Variants in TMEM135 observed in about 807,000 individuals in gnomAD.
TMEM135 encodes transmembrane protein 135, also known as peroxisomal membrane protein 52.
TMEM135 carries 30 observed loss-of-function variants against 60.3 expected under a neutral mutation model. That is an observed-to-expected ratio of 0.50 (90% confidence interval 0.37 to 0.68). TMEM135 has a LOEUF of 0.68. Among genes scored for constraint, TMEM135 ranks in the 30% least tolerant of loss-of-function variants. TMEM135 has a pLI of 0.00. For missense variants in TMEM135, 468 were observed against 548.8 expected (o/e 0.85, Z 1.47); for synonymous variants, 190 against 186.7 (o/e 1.02, Z -0.14).
At chr11:87,179,133 C>T (rs537600408) in intron 5 of TMEM135, among the ~76,000 whole-genome samples, 42 of 152,204 alleles carry the variant, frequency 2.8e-4, no homozygotes, top group African/African-American at 9.6e-4. Flanking sequence ...TGATGTTGGA[C>T]TTCTTTTCAT....
chr11:87,217,971 T>C (rs1429247244), intron 5 of TMEM135, among the ~76,000 whole-genome samples: 2 of 152,138 alleles, frequency 1.3e-5, no homozygotes, highest in Non-Finnish European at 2.9e-5. Flanking sequence ...CTTAAGATTG[T>C]ATGAGTGTTC....
intron 6 of TMEM135, among the ~76,000 whole-genome samples, chr11:87,265,873 CT>C (rs1941737974): frequency 6.6e-6 from 1 of 152,032 alleles, no homozygotes; most frequent in South Asian, 2.1e-4. Context: ...TCCTAGTTTT[CT>C]CATTGTTCCT....
intron 6 of TMEM135, among the ~76,000 whole-genome samples, chr11:87,289,437 CTTTTTTTTTTTT>C (rs376999371): frequency 3.2e-4 from 28 of 87,606 alleles, no homozygotes; most frequent in South Asian, 1.4e-3. Context: ...ATCTCCATAT[CTTTTTTTTTTTT>C]TTTTTTTTTT....
rs1940583155 is a variant in TMEM135, at chr11:87,219,992, T to C, written c.463-16646T>C. On this transcript the variant is annotated intron_variant, in intron 5 of 14. Coordinates refer to ENST00000305494, the MANE Select transcript of TMEM135 (RefSeq NM_022918.4). ...AGATAGGTCTCAATAAAAAAGCATG[T>C]AAATGTCTAGGTTCTCATGAAATTT... Among the ~76,000 whole-genome samples, 2 of 152,214 alleles carry C rather than the reference T, an allele frequency of 1.3e-5. 1 individual carries two copies. The highest frequency in any genetic ancestry group is 4.1e-4 in the South Asian group (2 of 4,832).
At chr11:87,111,491 C>CAA (rs1221278517) in intron 4 of TMEM135, among the ~76,000 whole-genome samples, 1 of 143,418 alleles carries the variant, frequency 7.0e-6, no homozygotes, top group African/African-American at 2.5e-5. Context: ...ACTAAAAATA[C>CAA]AAAAAAAAAA....
At chr11:87,233,117 C>T (rs1274177011) in intron 5 of TMEM135, among the ~76,000 whole-genome samples, 1 of 152,048 alleles carries the variant, frequency 6.6e-6, no homozygotes, top group East Asian at 1.9e-4. Flanking sequence ...CACCACTGCA[C>T]TTTAGCCTGG....
rs1054370760 is a variant in TMEM135 at position 87,243,194 on chromosome 11, T to C, written c.509+6510T>C. ...GCGGCGTTATTTCTGAGGGCTCTGT[T>C]CTGTTCCATCGATCTATATCTCTGT... On this transcript the variant is annotated intron_variant, in intron 6 of 14. Coordinates refer to ENST00000305494, the MANE Select transcript of TMEM135 (RefSeq NM_022918.4). 2.4e-5 allele frequency among the ~76,000 whole-genome samples: 2 copies of C among 81,820 alleles called. 1 individual carries two copies. The highest frequency in any genetic ancestry group is 9.4e-5 in the African/African-American group (2 of 21,352). The allele number at this position is 81,820 out of a possible 152,430, so 53.7% of individuals were successfully genotyped here.
At chr11:87,066,598 C>CA (rs34204350) in intron 1 of TMEM135, among the ~76,000 whole-genome samples, 278 of 121,166 alleles carry the variant, frequency 2.3e-3, no homozygotes, top group Middle Eastern at 4.6e-3. Flanking sequence ...CAGAGTTCAC[C>CA]AAAAAAAAAA....
intron 4 of TMEM135, among the ~76,000 whole-genome samples, chr11:87,131,493 C>T (rs928174205): frequency 7.2e-5 from 11 of 152,016 alleles, no homozygotes; most frequent in Non-Finnish European, 1.0e-4. Context: ...ATGTGCCTGG[C>T]CCACAGTTAA....
intron 1 of TMEM135, among the ~76,000 whole-genome samples, chr11:87,045,285 C>T (rs1322536453): frequency 6.6e-6 from 1 of 152,130 alleles, no homozygotes; most frequent in African/African-American, 2.4e-5. Flanking sequence ...CCGCCTCGGC[C>T]TCCCAAAGTG....
intron 6 of TMEM135, among the ~76,000 whole-genome samples, chr11:87,244,103 G>C (rs1941202273): frequency 1.2e-5 from 1 of 80,822 alleles, no homozygotes; most frequent in Admixed American, 1.1e-4. Context: ...CATCTATTGA[G>C]ATAATCATGT....
intron 5 of TMEM135, among the ~76,000 whole-genome samples, chr11:87,231,131 G>A (rs1940880793): frequency 6.6e-6 from 1 of 152,142 alleles, no homozygotes; most frequent in East Asian, 1.9e-4. Flanking sequence ...GCGTCACTCA[G>A]ACAAAACCTA....
chr11:87,101,074 ATAG>A (rs1323450808), intron 4 of TMEM135, among the ~76,000 whole-genome samples: 1 of 152,220 alleles, frequency 6.6e-6, no homozygotes, highest in Admixed American at 6.5e-5. Context: ...AATTTAAAAA[ATAG>A]TAGTTTTCTA....
At chr11:87,173,125 T>A (rs1015690092) in intron 5 of TMEM135, among the ~76,000 whole-genome samples, 1 of 152,174 alleles carries the variant, frequency 6.6e-6, no homozygotes, top group African/African-American at 2.4e-5. Flanking sequence ...GTTATTATTT[T>A]TGTCTTTACT....
At chr11:87,272,845 G>A (rs12280253) in intron 6 of TMEM135, among the ~76,000 whole-genome samples, 55,685 of 151,970 alleles carry the variant, frequency 0.37, 10,870 homozygotes, top group Non-Finnish European at 0.43. Flanking sequence ...TGTCTCTTTT[G>A]AGGATTTTTA....
intron 3 of TMEM135, among the ~76,000 whole-genome samples, chr11:87,079,712 G>A (rs1220266871): frequency 6.6e-6 from 1 of 151,496 alleles, no homozygotes; most frequent in Non-Finnish European, 1.5e-5. Flanking sequence ...CTTTGTTAGG[G>A]TTAGGACGTT....
At chr11:87,284,140 A>G (rs1373078155) in intron 6 of TMEM135, among the ~76,000 whole-genome samples, 1 of 152,140 alleles carries the variant, frequency 6.6e-6, no homozygotes, top group Non-Finnish European at 1.5e-5. Context: ...TGTTGCCTAT[A>G]GTTAATTTGT....
intron 3 of TMEM135, among the ~76,000 whole-genome samples, chr11:87,080,172 T>TTG (rs1555100703): frequency 6.6e-6 from 1 of 150,486 alleles, no homozygotes; most frequent in African/African-American, 2.4e-5. Flanking sequence ...TGCAGTGTTT[T>TTG]TTTTTTTTTT....
At position 87,322,927 on chromosome 11, in the gene TMEM135, T is replaced by A; in HGVS notation, c.*1594T>A. Reference sequence around the variant, plus strand: ...TCATTTCGGTTTCAGACTTCAAAGTTGATTAATAAATTTAATCTTAACTTT... The same window carrying A: ...TCATTTCGGTTTCAGACTTCAAAGTAGATTAATAAATTTAATCTTAACTTT... On this transcript the variant is annotated 3_prime_UTR_variant, in exon 15 of 15. Transcript: ENST00000305494. The A allele has an allele frequency of 2.2e-6, 1 of 454,438 alleles. No individual in the cohort carries two copies. The highest frequency in any genetic ancestry group is 4.4e-6 in the Non-Finnish European group (1 of 226,728). The allele number at this position is 454,438 out of a possible 1,614,324, so 28.2% of individuals were successfully genotyped here.
Sources: gnomAD v4.1 joint callset for allele counts (sites outside exome capture counted in the v4.1 genomes callset) on GRCh38, gnomAD v4.1.1 for gene constraint, MANE v1.5 for transcripts, NCBI Gene and HGNC (gene_info 2026-07-23, HGNC 2026-07-21) for gene names.